Variants in EIF2AK2 observed in about 807,000 individuals in gnomAD.
The protein encoded by EIF2AK2 is eukaryotic translation initiation factor 2 alpha kinase 2.
In EIF2AK2, 40 loss-of-function variants were observed where a neutral mutation model predicts 70.5. That is an observed-to-expected ratio of 0.57 (90% CI 0.44 to 0.74). EIF2AK2 has a LOEUF of 0.74. EIF2AK2 is among the 30% of genes least tolerant of loss of function. The pLI is 0.00. For synonymous variants in EIF2AK2, 198 were observed against 220.9 expected (o/e 0.90, Z 0.92); for missense variants, 555 against 644.3 (o/e 0.86, Z 1.50).
intron 11 of EIF2AK2, among the ~76,000 whole-genome samples, chr2:37,123,731 G>C (rs1221329089): frequency 1.3e-5 from 2 of 152,212 alleles, no homozygotes; most frequent in South Asian, 4.1e-4. Flanking sequence ...TATACACAAA[G>C]AGGATAACTT....
chr2:37,150,689 C>G (rs1391187026), intron 1 of EIF2AK2, among the ~76,000 whole-genome samples: 1 of 152,162 alleles, frequency 6.6e-6, no homozygotes, highest in Non-Finnish European at 1.5e-5. Flanking sequence ...ATCTACATAT[C>G]TAAGTGCTGA....
intron 4 of EIF2AK2, among the ~76,000 whole-genome samples, chr2:37,143,729 C>CA (rs1675424156): frequency 6.6e-6 from 1 of 151,794 alleles, no homozygotes; most frequent in Admixed American, 6.6e-5. Context: ...ACAAAAAATG[C>CA]AAAAATTGGC....
chr2:37,140,840 T>C (rs1675303742), intron 5 of EIF2AK2, among the ~76,000 whole-genome samples: 1 of 152,216 alleles, frequency 6.6e-6, no homozygotes, highest in South Asian at 2.1e-4. Context: ...TATCCTAAAG[T>C]GATGATTTAA....
chr2:37,122,417 T>C (rs1674587728), intron 12 of EIF2AK2, 89 bp downstream of exon 12: 2 of 1,320,798 alleles, frequency 1.5e-6, no homozygotes, highest in African/African-American at 1.5e-5. Flanking sequence ...TTAATCGTGA[T>C]GATTAATAGC....
intron 13 of EIF2AK2, among the ~76,000 whole-genome samples, chr2:37,116,492 C>G (rs1293871383): frequency 6.6e-6 from 1 of 152,212 alleles, no homozygotes. Context: ...GCTAAACACA[C>G]AGACTCTACG....
In EIF2AK2 at chr2:37,104,753, T is replaced by C. The variant is rs1001920388; in HGVS notation, c.*2520A>G. ...TGAGAAGCCCAAGTCAATCATCTTA[T>C]AGAATGACTACATTCAGGATTTGTC... On this transcript the variant is annotated 3_prime_UTR_variant, in exon 17 of 17. Transcript: ENST00000233057. 5 of 152,154 alleles carry C rather than the reference T, an allele frequency of 3.3e-5. No individual in the cohort carries two copies. The highest frequency in any genetic ancestry group is 1.2e-4 in the African/African-American group (5 of 41,436). 9.4% of individuals were successfully genotyped at this position (152,154 alleles called of 1,614,324 possible). A position where few individuals can be genotyped will look rare whatever the true frequency, so the allele number is the denominator to read the frequency against.
In EIF2AK2 at chr2:37,105,653, T is replaced by C. The variant is rs967813156; in HGVS notation, c.*1620A>G. 1 of 152,222 alleles carries C rather than the reference T, an allele frequency of 6.6e-6. No individual in the cohort carries two copies. The highest frequency in any genetic ancestry group is 1.5e-5 in the Non-Finnish European group (1 of 68,056). 9.4% of individuals were successfully genotyped at this position (152,222 alleles called of 1,614,324 possible). ...ACCAATAAGAAACAAACTAAAACAA[T>C]TGCCCTAAGTTGAAATTCACCCTCA... On this transcript the variant is annotated 3_prime_UTR_variant, in exon 17 of 17. Coordinates refer to ENST00000233057, the MANE Select transcript of EIF2AK2 (RefSeq NM_001135651.3).
In EIF2AK2 at chr2:37,100,471, T is replaced by C. The variant is rs1673800911; in HGVS notation, c.*6802A>G. 6.6e-6 allele frequency: 1 copy of C among 152,254 alleles called. No homozygotes were observed. Among genetic ancestry groups the C allele is most frequent in the Non-Finnish European group, 1.5e-5 (1 of 68,056 alleles). 9.4% of individuals were successfully genotyped at this position (152,254 alleles called of 1,614,324 possible). A position where few individuals can be genotyped will look rare whatever the true frequency, so the allele number is the denominator to read the frequency against. ...TTAACCCCATAAGAGCCACACAGAT[T>C]TGAGAAGCATTTTATTTGCCTCACA... On this transcript the variant is annotated 3_prime_UTR_variant, in exon 17 of 17. Coordinates refer to ENST00000233057, the MANE Select transcript of EIF2AK2 (RefSeq NM_001135651.3).
At chr2:37,150,141 T>TAA (rs34438804) in intron 1 of EIF2AK2, among the ~76,000 whole-genome samples, 1 of 136,058 alleles carries the variant, frequency 7.3e-6, no homozygotes, top group African/African-American at 2.8e-5. Context: ...GAAGTGACGG[T>TAA]AAAAAAAAAA....
intron 5 of EIF2AK2, among the ~76,000 whole-genome samples, chr2:37,140,849 A>G (rs4648181): frequency 0.94 from 143,885 of 152,292 alleles, 68,537 homozygotes; most frequent in East Asian, 1. Flanking sequence ...GTGATGATTT[A>G]AACTATTTGC....
chr2:37,124,482 G>A (rs114917006), intron 11 of EIF2AK2, among the ~76,000 whole-genome samples: 5,686 of 152,124 alleles, frequency 0.037, 148 homozygotes, highest in Middle Eastern at 0.055. Context: ...GATGGCCTCA[G>A]TCTCTTGACC....
intron 13 of EIF2AK2, among the ~76,000 whole-genome samples, chr2:37,118,037 G>C (rs1479158890): frequency 1.3e-5 from 2 of 152,180 alleles, no homozygotes; most frequent in Non-Finnish European, 2.9e-5. Flanking sequence ...GCCGGGTGCA[G>C]TGGAGCACAC....
intron 10 of EIF2AK2, among the ~76,000 whole-genome samples, chr2:37,130,755 G>A (rs1674912129): frequency 6.6e-6 from 1 of 152,178 alleles, no homozygotes; most frequent in African/African-American, 2.4e-5. Context: ...ATTTCGGTCA[G>A]GCACTTTGAT....
In EIF2AK2 at chr2:37,122,582, C is replaced by A; in HGVS notation, c.991G>T (p.Asp331Tyr). The change falls in exon 12 of 17, where the codon GAT (aspartate) becomes TAT (tyrosine). Residue 331 changes from aspartate to tyrosine, a missense_variant. Asp to Tyr is a radical substitution (Grantham distance 160). Around this residue, in one of 3 missense-constraint regions of EIF2AK2, gnomAD observed 299 missense variants for 375.4 expected, o/e 0.80. Transcript: ENST00000233057. ...VHYNGCWDGF[D>Y]YDPETSDDSL... ...TCATCACTGGTCTCAGGATCATAATCAAATCCATCCCAACAGCCATTGTAG... is the reference window on the plus strand; with the variant it reads ...TCATCACTGGTCTCAGGATCATAATAAAATCCATCCCAACAGCCATTGTAG... 6.2e-7 allele frequency: 1 copy of A among 1,614,166 alleles called. No homozygotes were observed. Among genetic ancestry groups the A allele is most frequent in the Non-Finnish European group, 8.5e-7 (1 of 1,180,036 alleles).
intron 1 of EIF2AK2, chr2:37,149,343 T>G (rs1368331165): frequency 2.7e-6 from 2 of 735,628 alleles, no homozygotes; most frequent in South Asian, 1.6e-5. Flanking sequence ...AAGGTCTTTA[T>G]TTCTAAAATT....
At chr2:37,144,901 T>C (rs1010663908) in intron 4 of EIF2AK2, among the ~76,000 whole-genome samples, 2 of 152,020 alleles carry the variant, frequency 1.3e-5, no homozygotes, top group Non-Finnish European at 2.9e-5. Context: ...TTTTGTTTTG[T>C]TTTGAGACAG....
In EIF2AK2 at chr2:37,143,210, G is replaced by A. The variant is rs559122079; in HGVS notation, c.241-1509C>T. On this transcript the variant is annotated intron_variant, in intron 4 of 16. Transcript: ENST00000233057. ...TGCACTCCAGCCTGGACAACAGAGC[G>A]AGACTCTGTCTCAAAAAAAAAAAAA... Among the ~76,000 whole-genome samples, 871 of 132,984 alleles carry A rather than the reference G, an allele frequency of 6.5e-3. 9 individuals carry two copies. Among genetic ancestry groups the A allele is most frequent in the African/African-American group, 0.02 (742 of 36,370 alleles). The allele number at this position is 132,984 out of a possible 152,430, so 87.2% of individuals were successfully genotyped here. A position where few individuals can be genotyped will look rare whatever the true frequency, so the allele number is the denominator to read the frequency against.
intron 2 of EIF2AK2, 85 bp from the exon 3 acceptor site, chr2:37,147,907 G>T: frequency 1.2e-6 from 1 of 868,146 alleles, no homozygotes; most frequent in Non-Finnish European, 1.8e-6. Context: ...GAGACAGAGG[G>T]GTTGGGGAGA....
intron 13 of EIF2AK2, among the ~76,000 whole-genome samples, chr2:37,118,283 C>T (rs1257589588): frequency 6.6e-6 from 1 of 151,862 alleles, no homozygotes; most frequent in Non-Finnish European, 1.5e-5. Context: ...CACTGCACTC[C>T]AGCCTGGGCA....
Sources: allele counts gnomAD v4.1 joint callset (sites outside exome capture counted in the v4.1 genomes callset), GRCh38; gene constraint gnomAD v4.1.1; regional missense constraint gnomAD v4.1.1; transcripts MANE v1.5; gene names NCBI Gene and HGNC (gene_info 2026-07-23, HGNC 2026-07-21).